Variants in VAV3 observed in about 807,000 individuals in gnomAD.
The protein encoded by VAV3 is vav guanine nucleotide exchange factor 3.
VAV3 carries 94 observed loss-of-function variants against 131.2 expected under a neutral mutation model. The observed-to-expected ratio is 0.72, with a 90% CI of 0.61 to 0.85. The LOEUF is 0.85. Ranked by LOEUF, VAV3 falls within the 40% of genes least tolerant of loss-of-function variation. The probability of loss-of-function intolerance (pLI) is 0.00; values close to 1 mark genes in which losing one functional copy is unlikely to be tolerated. For missense variants in VAV3, 939 were observed against 1,002.7 expected, an observed-to-expected ratio of 0.94 and a Z score of 0.86; for synonymous variants, 349 against 342.0, an observed-to-expected ratio of 1.02 and a Z score of -0.22.
chr1:107,874,859 C>T (rs371252725), intron 2 of VAV3, 42 bp downstream of exon 2: 194 of 1,547,166 alleles, frequency 1.3e-4, no homozygotes, highest in Non-Finnish European at 1.6e-4. Context: ...TGCTTAAATG[C>T]TTTCCAGTTA....
At position 107,738,353 on chromosome 1, in the gene VAV3, T is replaced by TA. The variant is rs909362477; in HGVS notation, c.1502+10614dup. ...ATGTACCCTAGAACTTAAAGCATAT[T>TA]AAAAAAAAGAAAAGAAAAGAAAATA... On this transcript the variant is annotated intron_variant, in intron 15 of 26. Coordinates refer to ENST00000370056, the MANE Select transcript of VAV3 (RefSeq NM_006113.5). Among the ~76,000 whole-genome samples, 10 of 151,910 alleles carry TA rather than the reference T, an allele frequency of 6.6e-5. No individual in the cohort carries two copies. The East Asian group carries it at 1.2e-3, about 18-fold the overall frequency.
intron 2 of VAV3, among the ~76,000 whole-genome samples, chr1:107,781,232 G>GCATT (rs1392080336): frequency 5.9e-5 from 9 of 152,124 alleles, no homozygotes; most frequent in African/African-American, 2.2e-4. Flanking sequence ...GTTACTAAAA[G>GCATT]AATTAAATGA....
At chr1:107,864,586 G>A (rs1219299356) in intron 2 of VAV3, among the ~76,000 whole-genome samples, 3 of 152,204 alleles carry the variant, frequency 2.0e-5, no homozygotes, top group Admixed American at 1.3e-4. Context: ...CTGCACCACT[G>A]CACTCCAGCC....
intron 1 of VAV3, among the ~76,000 whole-genome samples, chr1:107,900,546 A>G (rs920122359): frequency 6.6e-6 from 1 of 152,270 alleles, no homozygotes; most frequent in East Asian, 1.9e-4. Flanking sequence ...TATTCAATCC[A>G]CTAAATCTGC....
In VAV3 at chr1:107,753,362, T is replaced by C. The variant is rs549399973; in HGVS notation, c.1173+2065A>G. On this transcript the variant is annotated intron_variant, in intron 12 of 26. Transcript: ENST00000370056. ...AGTACAGAGTTTCAGTTTTGCAAGA[T>C]GAAGTTTTGGAGACGGTCACACAAC... Among the ~76,000 whole-genome samples, 5 of 151,738 alleles carry C rather than the reference T, an allele frequency of 3.3e-5. No individual in the cohort carries two copies. In the East Asian group the frequency reaches 7.8e-4, roughly 24 times the overall value.
intron 17 of VAV3, among the ~76,000 whole-genome samples, chr1:107,693,572 C>T (rs1433932112): frequency 6.6e-6 from 1 of 152,080 alleles, no homozygotes; most frequent in Non-Finnish European, 1.5e-5. Context: ...AGGAAGACAA[C>T]ATCCAAAAAG....
intron 1 of VAV3, among the ~76,000 whole-genome samples, chr1:107,917,188 G>A (rs935924680): frequency 1.4e-4 from 21 of 152,052 alleles, no homozygotes; most frequent in African/African-American, 3.4e-4. Context: ...AAGAACCCAC[G>A]CAAGAGATGA....
chr1:107,820,346 A>T (rs543611192), intron 2 of VAV3, among the ~76,000 whole-genome samples: 6 of 152,318 alleles, frequency 3.9e-5, no homozygotes, highest in African/African-American at 1.2e-4. Context: ...ATGCTAAGTG[A>T]AATGAGCCAG....
rs529832961 is a variant in VAV3 at position 107,804,464 on chromosome 1, A to T, written c.322-24972T>A. ...ACAAAAAAATCTTGTAGACATAACAAGTCATTTTACAGAGATGACAACTTA... is the reference window on the plus strand; with the variant it reads ...ACAAAAAAATCTTGTAGACATAACATGTCATTTTACAGAGATGACAACTTA... On this transcript the variant is annotated intron_variant, in intron 2 of 26. Transcript: ENST00000370056. Among the ~76,000 whole-genome samples, 162 of 152,324 alleles carry T rather than the reference A, an allele frequency of 1.1e-3. 1 individual carries two copies. The highest frequency in any genetic ancestry group is 3.8e-3 in the African/African-American group (159 of 41,578).
chr1:107,913,279 A>T (rs573276949), intron 1 of VAV3, among the ~76,000 whole-genome samples: 1 of 152,360 alleles, frequency 6.6e-6, no homozygotes, highest in South Asian at 2.1e-4. Context: ...GAGAAATGTC[A>T]GAAGGCCACA....
rs5776905 is a variant in VAV3 at position 107,893,277 on chromosome 1, C to CT, written c.205-18261dup. On this transcript the variant is annotated intron_variant, in intron 1 of 26. Coordinates refer to ENST00000370056, the MANE Select transcript of VAV3 (RefSeq NM_006113.5). ...TAGACTCAATTTTAAACATTTGCTC[C>CT]TTTTTAAAGTTTGATTTTTACACAT... Among the ~76,000 whole-genome samples, 868 of 152,160 alleles carry CT rather than the reference C, an allele frequency of 5.7e-3. 17 individuals are homozygous for CT. The highest frequency in any genetic ancestry group is 0.038 in the East Asian group (199 of 5,172).
Position 107,574,068 on chromosome 1 carries a change from C to T in VAV3, c.2481G>A (p.Trp827Ter). Residue 827 changes from tryptophan (W) to a stop codon, truncating the protein, a stop_gained, in exon 26 of 27, where the codon TGG becomes TGA. Transcript: ENST00000370056. LOFTEE classifies it high-confidence loss of function. ...IYTKMSANGWWRGEVNGRVGW... is the reference protein window; with the variant it reads ...IYTKMSANGW Reference sequence around the variant, plus strand: ...TTACCCTGCCATTTACTTCTCCTCTCCACCAGCCATTTGCACTCATCTTTG... The same window carrying T: ...TTACCCTGCCATTTACTTCTCCTCTTCACCAGCCATTTGCACTCATCTTTG... The T allele has an allele frequency of 1.2e-6, 2 of 1,614,158 alleles. No individual in the cohort carries two copies. The highest frequency in any genetic ancestry group is 1.7e-6 in the Non-Finnish European group (2 of 1,180,014).
chr1:107,846,894 C>T (rs888160149), intron 2 of VAV3, among the ~76,000 whole-genome samples: 3 of 152,092 alleles, frequency 2.0e-5, no homozygotes, highest in African/African-American at 7.2e-5. Flanking sequence ...ATATTCAGGA[C>T]TTAAAATCAG....
chr1:107,935,695 C>G (rs1673676667), intron 1 of VAV3, among the ~76,000 whole-genome samples: 1 of 152,090 alleles, frequency 6.6e-6, no homozygotes, highest in Non-Finnish European at 1.5e-5. Flanking sequence ...CAGTGGTGTG[C>G]ACCATGACAA....
chr1:107,827,070 T>C (rs1461765073), intron 2 of VAV3, among the ~76,000 whole-genome samples: 1 of 152,206 alleles, frequency 6.6e-6, no homozygotes. Flanking sequence ...CATGTATTTT[T>C]TGTCTTCTCC....
chr1:107,889,337 A>G (rs1371873510), intron 1 of VAV3, among the ~76,000 whole-genome samples: 1 of 152,210 alleles, frequency 6.6e-6, no homozygotes. Flanking sequence ...CAGAGTTGCC[A>G]CGCAAGGTTT....
chr1:107,870,221 T>C (rs1169033953), intron 2 of VAV3, among the ~76,000 whole-genome samples: 2 of 152,164 alleles, frequency 1.3e-5, no homozygotes, highest in African/African-American at 4.8e-5. Context: ...CACTGTTTTC[T>C]ATAGTGGTTG....
At chr1:107,692,466 T>C (rs980368708) in intron 17 of VAV3, among the ~76,000 whole-genome samples, 11 of 152,166 alleles carry the variant, frequency 7.2e-5, no homozygotes, top group Non-Finnish European at 1.3e-4. Flanking sequence ...AGTAATATTA[T>C]GCAGAACTAA....
intron 6 of VAV3, among the ~76,000 whole-genome samples, chr1:107,768,790 T>C (rs557071669): frequency 6.6e-6 from 1 of 152,334 alleles, no homozygotes; most frequent in African/African-American, 2.4e-5. Context: ...AACATTATTG[T>C]CTGAGTTGCC....
Sources: allele counts gnomAD v4.1 joint callset (sites outside exome capture counted in the v4.1 genomes callset), GRCh38; gene constraint gnomAD v4.1.1; transcripts MANE v1.5; gene names NCBI Gene and HGNC (gene_info 2026-07-23, HGNC 2026-07-21).